Variants in DNAJC13 observed in about 807,000 individuals in gnomAD.
The protein encoded by DNAJC13 is dnaJ homolog subfamily C member 13.
A neutral mutation model predicts 290.5 loss-of-function variants in DNAJC13; 75 were observed. That is an observed-to-expected ratio of 0.26 (90% CI 0.21 to 0.31). The LOEUF (loss-of-function observed/expected upper bound fraction) is 0.31, where lower values mean the gene tolerates loss of function less well. Among genes scored for constraint, DNAJC13 ranks in the 10% least tolerant of loss-of-function variants. The probability of loss-of-function intolerance (pLI) is 1.00; values close to 1 mark genes in which losing one functional copy is unlikely to be tolerated. For synonymous variants in DNAJC13, 862 were observed against 892.0 expected (o/e 0.97, Z 0.60); for missense variants, 2,260 against 2,674.5 (o/e 0.85, Z 3.42).
chr3:132,470,620 AC>A (rs1230637553), intron 20 of DNAJC13, among the ~76,000 whole-genome samples: 2 of 99,984 alleles, frequency 2.0e-5, no homozygotes, highest in Non-Finnish European at 2.0e-5. Flanking sequence ...GGGGGGGCTG[AC>A]CCCCCCACCT....
chr3:132,485,715 T>G (rs1934847836), intron 29 of DNAJC13, among the ~76,000 whole-genome samples: 1 of 152,226 alleles, frequency 6.6e-6, no homozygotes, highest in Admixed American at 6.5e-5. Context: ...CTGCCGTAGA[T>G]TTTGACTATT....
chr3:132,489,939 T>C (rs1935010763), intron 31 of DNAJC13, among the ~76,000 whole-genome samples: 1 of 152,254 alleles, frequency 6.6e-6, no homozygotes, highest in Non-Finnish European at 1.5e-5. Flanking sequence ...ATGCATATTG[T>C]AATTTTTTCC....
At chr3:132,419,204 G>A (rs1166703191) in intron 1 of DNAJC13, among the ~76,000 whole-genome samples, 1 of 152,134 alleles carries the variant, frequency 6.6e-6, no homozygotes, top group East Asian at 1.9e-4. Context: ...GGAGTCAGAG[G>A]ATTATTAAGA....
chr3:132,487,480 A>ACT (rs1469651247), intron 29 of DNAJC13, among the ~76,000 whole-genome samples: 1 of 145,256 alleles, frequency 6.9e-6, no homozygotes, highest in Non-Finnish European at 1.5e-5. Context: ...CTGGTCTTGA[A>ACT]CTCCTGACCT....
chr3:132,443,987 T>C (rs9830434), intron 2 of DNAJC13, among the ~76,000 whole-genome samples: 42,854 of 152,052 alleles, frequency 0.28, 6,646 homozygotes, highest in East Asian at 0.67. Context: ...TTTCAAGTGC[T>C]CAATAGGTAC....
chr3:132,457,263 CA>C lies in DNAJC13; in HGVS notation c.1350-2del. ...GCTAGTATATGCTTGTTTTTTGTTC[CA>C]AAAGGTTTCGCGAGCGTCTAGGGGT... is the stretch of plus-strand genomic sequence containing the variant. On this transcript the variant is annotated splice_polypyrimidine_tract_variant and splice_region_variant and intron_variant, in intron 12 of 55. Transcript: ENST00000260818. 1.3e-6 allele frequency: 2 copies of C among 1,589,738 alleles called. No homozygotes were observed. Among genetic ancestry groups the C allele is most frequent in the Non-Finnish European group, 1.7e-6 (2 of 1,171,654 alleles).
intron 1 of DNAJC13, among the ~76,000 whole-genome samples, chr3:132,422,896 A>G (rs528435648): frequency 1.8e-4 from 27 of 152,346 alleles, no homozygotes; most frequent in African/African-American, 6.0e-4. Context: ...CCCTTAGAAG[A>G]ACACTGCCTA....
chr3:132,445,356 G>A (rs956795708), intron 2 of DNAJC13, among the ~76,000 whole-genome samples: 1 of 151,956 alleles, frequency 6.6e-6, no homozygotes, highest in African/African-American at 2.4e-5. Context: ...ATTGGTCACG[G>A]TGTATTACTA....
At chr3:132,532,025 ACT>A (rs1298581040) in intron 55 of DNAJC13, among the ~76,000 whole-genome samples, 7 of 152,110 alleles carry the variant, frequency 4.6e-5, no homozygotes, top group Non-Finnish European at 1.0e-4. Flanking sequence ...CATAAGTCAG[ACT>A]CTTGCTGAAT....
chr3:132,457,181 A>G (rs963725484), intron 12 of DNAJC13, 88 bp from the exon 13 acceptor site: 12 of 914,224 alleles, frequency 1.3e-5, no homozygotes, highest in African/African-American at 1.0e-4. Flanking sequence ...CAGTAGTGCA[A>G]TGGAAAGTTA....
chr3:132,454,995 C>T (rs961506309), intron 9 of DNAJC13, among the ~76,000 whole-genome samples: 2 of 151,834 alleles, frequency 1.3e-5, no homozygotes, highest in Non-Finnish European at 1.5e-5. Context: ...AGATGTAATA[C>T]CAAAAACAAT....
chr3:132,534,224 TAG>T (rs1405412873), intron 55 of DNAJC13, among the ~76,000 whole-genome samples: 1 of 152,208 alleles, frequency 6.6e-6, no homozygotes, highest in Admixed American at 6.5e-5. Context: ...CGTGTCCATG[TAG>T]AACAGTCTGG....
chr3:132,464,328 A>G (rs1933905569), intron 17 of DNAJC13, among the ~76,000 whole-genome samples: 1 of 152,208 alleles, frequency 6.6e-6, no homozygotes, highest in African/African-American at 2.4e-5. Context: ...TTCAAATATA[A>G]ACACATAAAT....
chr3:132,463,286 A>G lies in DNAJC13; in HGVS notation c.1771-410A>G, dbSNP rs368152437. Among the ~76,000 whole-genome samples, 19 of 152,340 alleles carry G rather than the reference A, an allele frequency of 1.2e-4. No homozygotes were observed. In the East Asian group the frequency reaches 2.3e-3, roughly 19 times the overall value. On this transcript the variant is annotated intron_variant, in intron 16 of 55. Transcript: ENST00000260818. ...AACATCAAAGTTTATTTGCATTTTTAGTGTGCATATACAGCCAAAGGCTAA... is the reference window on the plus strand; with the variant it reads ...AACATCAAAGTTTATTTGCATTTTTGGTGTGCATATACAGCCAAAGGCTAA...
chr3:132,484,908 AAAAT>A (rs924463136), intron 29 of DNAJC13, among the ~76,000 whole-genome samples: 3 of 151,830 alleles, frequency 2.0e-5, no homozygotes, highest in African/African-American at 7.3e-5. Context: ...ATCTCTACAA[AAAAT>A]AAATAAATAA....
chr3:132,446,203 T>C (rs1433324241), intron 2 of DNAJC13, among the ~76,000 whole-genome samples: 7 of 152,048 alleles, frequency 4.6e-5, no homozygotes, highest in African/African-American at 1.7e-4. Context: ...ACTTAATTTA[T>C]ACTAACATCA....
At chr3:132,487,731 C>A (rs931928309) in intron 29 of DNAJC13, among the ~76,000 whole-genome samples, 1 of 151,838 alleles carries the variant, frequency 6.6e-6, no homozygotes, top group African/African-American at 2.4e-5. Flanking sequence ...TTTTAATTAG[C>A]CCAGATTTAT....
intron 20 of DNAJC13, 46 bp from the exon 21 acceptor site, chr3:132,473,099 T>G: frequency 7.5e-7 from 1 of 1,331,942 alleles, no homozygotes; most frequent in East Asian, 2.3e-5. Context: ...ACTAAGCCTA[T>G]TTGGTAGCCC....
At chr3:132,516,105 A>G (rs1033970103) in intron 46 of DNAJC13, among the ~76,000 whole-genome samples, 1 of 152,170 alleles carries the variant, frequency 6.6e-6, no homozygotes, top group African/African-American at 2.4e-5. Context: ...AGGAAATCAG[A>G]TTTTTGGATG....
Sources: allele counts gnomAD v4.1 joint callset (sites outside exome capture counted in the v4.1 genomes callset), GRCh38; gene constraint gnomAD v4.1.1; transcripts MANE v1.5; gene names NCBI Gene and HGNC (gene_info 2026-07-23, HGNC 2026-07-21).